Variants in INSC observed in about 807,000 individuals in gnomAD.
INSC encodes the protein INSC spindle orientation adaptor protein, also known as protein inscuteable homolog.
Under a neutral mutation model 58.6 loss-of-function variants are expected in INSC, and 67 were observed. That is an observed-to-expected ratio of 1.14 (90% CI 0.94 to 1.40). The LOEUF (loss-of-function observed/expected upper bound fraction) is 1.40. Ranked by LOEUF, INSC falls within the 40% of genes most tolerant of loss-of-function variation. The pLI, the probability that INSC is intolerant of heterozygous loss-of-function variation, is 0.00. For missense variants in INSC, 714 were observed against 692.0 expected (o/e 1.03, Z -0.36); for synonymous variants, 262 against 276.1 (o/e 0.95, Z 0.51).
At chr11:15,193,627 C>A (rs192845407) in intron 6 of INSC, among the ~76,000 whole-genome samples, 1 of 152,250 alleles carries the variant, frequency 6.6e-6, no homozygotes. Flanking sequence ...TGAACTCATC[C>A]TTTTTATGGC....
intron 1 of INSC, among the ~76,000 whole-genome samples, chr11:15,120,149 G>A (rs1193336288): frequency 6.6e-6 from 1 of 152,154 alleles, no homozygotes; most frequent in Non-Finnish European, 1.5e-5. Flanking sequence ...TTCTGAGGAT[G>A]ATGAAAGAGA....
chr11:15,226,815 A>AT (rs67143217), intron 9 of INSC, among the ~76,000 whole-genome samples: 9 of 152,278 alleles, frequency 5.9e-5, no homozygotes, highest in East Asian at 1.9e-4. Context: ...TTATCTAATG[A>AT]GGTTATTCCT....
At chr11:15,244,744 C>G (rs537802233) in intron 12 of INSC, among the ~76,000 whole-genome samples, 27 of 152,242 alleles carry the variant, frequency 1.8e-4, no homozygotes, top group African/African-American at 6.5e-4. Flanking sequence ...TCAGTGTTTG[C>G]ATTCCCTCCT....
upstream of INSC, among the ~76,000 whole-genome samples, chr11:15,113,147 G>GTCTTTCTCTCTCTCTC (rs1196580161): frequency 8.8e-6 from 1 of 113,832 alleles, no homozygotes; most frequent in Admixed American, 9.6e-5. Flanking sequence ...CTTTCTTTCT[G>GTCTTTCTCTCTCTCTC]TCTCTCTCTC....
intron 1 of INSC, among the ~76,000 whole-genome samples, chr11:15,127,704 T>G (rs1164782846): frequency 6.6e-6 from 1 of 152,140 alleles, no homozygotes. Flanking sequence ...TCTTCAGTTG[T>G]GGGGTCATTA....
At chr11:15,116,795 C>CTT (rs1202877490) in intron 1 of INSC, among the ~76,000 whole-genome samples, 1 of 115,762 alleles carries the variant, frequency 8.6e-6, no homozygotes, top group African/African-American at 3.2e-5. Flanking sequence ...CCTTTCTTTT[C>CTT]TTTTCTTTCT....
chr11:15,248,392 T>C, downstream of INSC, among the ~76,000 whole-genome samples: 1 of 152,198 alleles, frequency 6.6e-6, no homozygotes. Context: ...TGTCAATAAG[T>C]GGAGAAAGGT....
intron 2 of INSC, among the ~76,000 whole-genome samples, chr11:15,163,271 C>T (rs1285684500): frequency 6.6e-6 from 1 of 152,136 alleles, no homozygotes; most frequent in African/African-American, 2.4e-5. Flanking sequence ...GGGTAACATG[C>T]CACTTAGTTT....
chr11:15,269,626 A>G, the INSC span, among the ~76,000 whole-genome samples: 2 of 151,878 alleles, frequency 1.3e-5, no homozygotes, highest in Non-Finnish European at 2.9e-5. Context: ...GATCTGAACT[A>G]GGTAAGTGAG....
chr11:15,160,744 A>G (rs1397917260), intron 2 of INSC, among the ~76,000 whole-genome samples: 1 of 152,214 alleles, frequency 6.6e-6, no homozygotes, highest in Non-Finnish European at 1.5e-5. Flanking sequence ...ACATTGGCTC[A>G]TAAGAGTGAA....
chr11:15,177,239 A>T, intron 4 of INSC, 76 bp downstream of exon 4: 12 of 1,137,142 alleles, frequency 1.1e-5, no homozygotes, highest in African/African-American at 1.5e-5. Context: ...ATCTTCTCCC[A>T]GAGGGAGAAT....
the INSC span, among the ~76,000 whole-genome samples, chr11:15,259,880 T>C: frequency 2.6e-5 from 4 of 152,190 alleles, no homozygotes; most frequent in African/African-American, 9.7e-5. Flanking sequence ...TTACCAGATT[T>C]TACTTAGATT....
At chr11:15,160,514 C>T (rs1051033070) in intron 2 of INSC, among the ~76,000 whole-genome samples, 3 of 152,138 alleles carry the variant, frequency 2.0e-5, no homozygotes, top group South Asian at 4.1e-4. Context: ...ATCAGGTGTT[C>T]TTGTGGCTTA....
intron 2 of INSC, among the ~76,000 whole-genome samples, chr11:15,157,039 G>A (rs1026363048): frequency 6.6e-6 from 1 of 152,120 alleles, no homozygotes; most frequent in Non-Finnish European, 1.5e-5. Flanking sequence ...CCAAATTTTA[G>A]GACTTGGTCC....
chr11:15,139,055 T>A (rs1357489448), intron 1 of INSC, among the ~76,000 whole-genome samples: 1 of 152,226 alleles, frequency 6.6e-6, no homozygotes, highest in East Asian at 1.9e-4. Flanking sequence ...GAGAAAATCA[T>A]ATTTGTGAAG....
chr11:15,133,294 GT>G (rs1316214056), intron 1 of INSC, among the ~76,000 whole-genome samples: 1 of 152,008 alleles, frequency 6.6e-6, no homozygotes, highest in Non-Finnish European at 1.5e-5. Flanking sequence ...TGCCCAATGA[GT>G]TTTTCATTTT....
intron 5 of INSC, chr11:15,188,360 G>T (rs1262664527): frequency 1.0e-6 from 1 of 985,306 alleles, no homozygotes; most frequent in Non-Finnish European, 1.2e-6. Flanking sequence ...CATTAAAGGA[G>T]ATGGATTTCC....
In INSC at chr11:15,200,895, C is replaced by T; in HGVS notation, c.765C>T (p.Leu255=). 1.2e-6 allele frequency: 2 copies of T among 1,613,732 alleles called. No homozygotes were observed. The highest frequency in any genetic ancestry group is 1.7e-6 in the Non-Finnish European group (2 of 1,179,974). The change falls in exon 7 of 13, where the codon CTC becomes CTT. Residue 255 remains leucine (L), a synonymous_variant. Coordinates refer to ENST00000379556, the MANE Select transcript of INSC (RefSeq NM_001042536.3). ...DSFRCLYPQA[L]RTLASICCVE... ...TCCGGTGCTTGTACCCCCAGGCGCT[C>T]CGCACGCTGGCCTCCATCTGCTGCG...
At chr11:15,221,386 G>T (rs1319056571) in intron 7 of INSC, 91 bp from the exon 8 acceptor site, 1 of 1,445,738 alleles carries the variant, frequency 6.9e-7, no homozygotes, top group Admixed American at 2.1e-5. Context: ...CTTCCATGTA[G>T]TGGGGGCTGA....
Sources: allele counts gnomAD v4.1 joint callset (sites outside exome capture counted in the v4.1 genomes callset), GRCh38; gene constraint gnomAD v4.1.1; transcripts MANE v1.5; gene names NCBI Gene and HGNC (gene_info 2026-07-23, HGNC 2026-07-21).